CACNA2D1: variants seen among roughly 807,000 people sequenced by gnomAD.
CACNA2D1 encodes voltage-dependent calcium channel subunit alpha-2/delta-1.
CACNA2D1 carries 53 observed loss-of-function variants against 171.5 expected under a neutral mutation model. The ratio of observed to expected loss-of-function variants is 0.31; its 90% confidence interval spans 0.25 to 0.39. The LOEUF (loss-of-function observed/expected upper bound fraction) is 0.39, where lower values mean the gene tolerates loss of function less well. Among genes scored for constraint, CACNA2D1 ranks in the 10% least tolerant of loss-of-function variants. CACNA2D1 has a pLI of 1.00. For missense variants in CACNA2D1, 903 were observed against 1,299.8 expected (o/e 0.69, Z 4.69); for synonymous variants, 442 against 443.1 (o/e 1.00, Z 0.03).
chr7:82,076,595 T>C (rs936707511), intron 7 of CACNA2D1, among the ~76,000 whole-genome samples: 5 of 152,140 alleles, frequency 3.3e-5, no homozygotes, highest in Non-Finnish European at 7.4e-5. Flanking sequence ...TTTCAGATCT[T>C]TAAAATTCCA....
intron 10 of CACNA2D1, among the ~76,000 whole-genome samples, chr7:82,043,945 A>C (rs1804247659): frequency 6.6e-6 from 1 of 152,228 alleles, no homozygotes. Flanking sequence ...AACATTAAGA[A>C]TTAATGACAA....
At chr7:82,346,145 T>C (rs1819228519) in intron 2 of CACNA2D1, among the ~76,000 whole-genome samples, 1 of 152,196 alleles carries the variant, frequency 6.6e-6, no homozygotes, top group Admixed American at 6.5e-5. Flanking sequence ...GGAAGAATCA[T>C]TTTGCACCCA....
intron 6 of CACNA2D1, among the ~76,000 whole-genome samples, chr7:82,111,674 C>A (rs1476406930): frequency 4.6e-5 from 7 of 151,610 alleles, no homozygotes; most frequent in African/African-American, 1.7e-4. Flanking sequence ...GTCCCTAACT[C>A]CTGGGCTCAA....
At position 82,005,468 on chromosome 7, in the gene CACNA2D1, G is replaced by A. The variant is rs1167714965; in HGVS notation, c.1545C>T (p.Ile515=). ...GTAATAAAACATAACCATTAGGATC[G>A]ATTGCAAAGTAATACCCATTGGGGC... ...TLCPNGYYFA[I]DPNGYVLLHP... The change falls in exon 18 of 39, where the codon ATC becomes ATT. Residue 515 remains isoleucine (I), a synonymous_variant. Coordinates refer to ENST00000356860, the MANE Select transcript of CACNA2D1 (RefSeq NM_000722.4). 6.3e-6 allele frequency: 10 copies of A among 1,590,750 alleles called. No individual in the cohort carries two copies. The highest frequency in any genetic ancestry group is 2.3e-5 in the East Asian group (1 of 44,400).
intron 2 of CACNA2D1, among the ~76,000 whole-genome samples, chr7:82,337,355 A>G (rs886594511): frequency 3.9e-5 from 6 of 152,164 alleles, no homozygotes; most frequent in Non-Finnish European, 7.4e-5. Flanking sequence ...TCCAAAGACT[A>G]CAATCATCTT....
intron 3 of CACNA2D1, among the ~76,000 whole-genome samples, chr7:82,198,650 C>T (rs1799088617): frequency 6.7e-6 from 1 of 150,274 alleles, no homozygotes; most frequent in Non-Finnish European, 1.5e-5. Context: ...CATTCAAACA[C>T]AAAGAGATAT....
intron 9 of CACNA2D1, among the ~76,000 whole-genome samples, chr7:82,063,882 G>C (rs1341508764): frequency 7.2e-6 from 1 of 139,758 alleles, no homozygotes; most frequent in African/African-American, 2.7e-5. Context: ...TTTCTTTTCT[G>C]AGACATTGTC....
At chr7:82,159,923 TAC>T (rs1187842066) in intron 4 of CACNA2D1, among the ~76,000 whole-genome samples, 2 of 134,698 alleles carry the variant, frequency 1.5e-5, no homozygotes, top group African/African-American at 5.8e-5. Context: ...AGAGAGAACA[TAC>T]ACACACTCTC....
rs563851563 is a variant in CACNA2D1 at position 82,318,203 on chromosome 7, T to A, written c.294+16932A>T. 6.6e-5 allele frequency among the ~76,000 whole-genome samples: 10 copies of A among 152,278 alleles called. No individual in the cohort carries two copies. The East Asian group carries it at 1.9e-3, about 29-fold the overall frequency. On this transcript the variant is annotated intron_variant, in intron 3 of 38. Coordinates refer to ENST00000356860, the MANE Select transcript of CACNA2D1 (RefSeq NM_000722.4). ...ATACCAACAGACCAGAATGATTTTT[T>A]TGAAAGCTTGCTAGTCTCATTGCTA...
chr7:82,310,773 C>A (rs879261166), intron 3 of CACNA2D1, among the ~76,000 whole-genome samples: 1 of 152,002 alleles, frequency 6.6e-6, no homozygotes, highest in East Asian at 1.9e-4. Context: ...TTTTTGAAAT[C>A]TTTTAATTAT....
intron 3 of CACNA2D1, among the ~76,000 whole-genome samples, chr7:82,271,861 T>A (rs984701356): frequency 3.3e-5 from 5 of 151,898 alleles, no homozygotes; most frequent in African/African-American, 1.2e-4. Flanking sequence ...AGACAATAGA[T>A]GATGGATAAA....
intron 10 of CACNA2D1, among the ~76,000 whole-genome samples, chr7:82,055,271 T>C (rs557256926): frequency 2.0e-5 from 3 of 152,238 alleles, no homozygotes; most frequent in East Asian, 3.9e-4. Context: ...CTGTGACCCT[T>C]AGTTAGAGGG....
intron 10 of CACNA2D1, among the ~76,000 whole-genome samples, chr7:82,053,404 TTAAAA>T (rs10615618): frequency 0.12 from 18,304 of 152,124 alleles, 1,367 homozygotes; most frequent in African/African-American, 0.21. Flanking sequence ...ATGTAATCAC[TTAAAA>T]TTATTTAGTG....
intron 3 of CACNA2D1, among the ~76,000 whole-genome samples, chr7:82,181,248 A>G (rs1187168398): frequency 6.6e-6 from 1 of 151,876 alleles, no homozygotes; most frequent in Admixed American, 6.6e-5. Context: ...ATGACACACC[A>G]TGTCTGGCTG....
chr7:82,317,908 A>C (rs996869913), intron 3 of CACNA2D1, among the ~76,000 whole-genome samples: 1 of 151,486 alleles, frequency 6.6e-6, no homozygotes, highest in Admixed American at 6.6e-5. Context: ...ATCCGAAGAG[A>C]GTTTTCCCAA....
At position 81,949,132 on chromosome 7, in the gene CACNA2D1, C is replaced by T. The variant is rs539028362; in HGVS notation, c.*1260G>A. The T allele has an allele frequency of 2.0e-5, 3 of 151,980 alleles. No homozygotes were observed. The highest frequency in any genetic ancestry group is 2.1e-4 in the South Asian group (1 of 4,814). The allele number at this position is 151,980 out of a possible 1,614,324, so 9.4% of individuals were successfully genotyped here. ...TGGATTGTATGTGCTACTATTGAAACGAACAAAGAGGAAACCTAGGATGAA... is the reference window on the plus strand; with the variant it reads ...TGGATTGTATGTGCTACTATTGAAATGAACAAAGAGGAAACCTAGGATGAA... On this transcript the variant is annotated 3_prime_UTR_variant, in exon 39 of 39. Coordinates refer to ENST00000356860, the MANE Select transcript of CACNA2D1 (RefSeq NM_000722.4).
intron 3 of CACNA2D1, among the ~76,000 whole-genome samples, chr7:82,203,581 G>A (rs1585089952): frequency 1.3e-5 from 2 of 152,142 alleles, no homozygotes; most frequent in South Asian, 2.1e-4. Flanking sequence ...GCAGCCAAAC[G>A]GGCTATTCAG....
At chr7:82,060,401 A>G in intron 10 of CACNA2D1, 27 bp downstream of exon 10, 1 of 1,464,614 alleles carries the variant, frequency 6.8e-7, no homozygotes, top group Non-Finnish European at 9.5e-7. Flanking sequence ...AATTTAATTC[A>G]GGAAAATGCA....
intron 18 of CACNA2D1, among the ~76,000 whole-genome samples, chr7:81,999,346 G>T (rs1169175296): frequency 1.3e-5 from 2 of 152,090 alleles, no homozygotes; most frequent in African/African-American, 4.8e-5. Flanking sequence ...CACCAAGAGA[G>T]GCTGAAGAAC....
Sources: allele counts gnomAD v4.1 joint callset (sites outside exome capture counted in the v4.1 genomes callset), GRCh38; gene constraint gnomAD v4.1.1; transcripts MANE v1.5; gene names NCBI Gene and HGNC (gene_info 2026-07-23, HGNC 2026-07-21).